The following KDM4A variants were observed in gnomAD, a reference collection of about 807,000 sequenced individuals.
KDM4A encodes lysine demethylase 4A, also known as lysine-specific demethylase 4A.
Under a neutral mutation model 127.1 loss-of-function variants are expected in KDM4A, and 23 were observed. The observed-to-expected ratio is 0.18, with a 90% CI of 0.13 to 0.26. KDM4A has a LOEUF of 0.26. KDM4A is among the 10% of genes least tolerant of loss of function. KDM4A has a pLI of 1.00. For missense variants in KDM4A, 890 were observed against 1,329.1 expected (o/e 0.67, Z 5.14); for synonymous variants, 443 against 466.5 (o/e 0.95, Z 0.65).
intron 15 of KDM4A, 23 bp downstream of exon 15, chr1:43,691,595 T>C (rs1331608549): frequency 1.3e-6 from 2 of 1,597,904 alleles, no homozygotes; most frequent in African/African-American, 1.3e-5. Flanking sequence ...ACACTGTTAC[T>C]GTCTTCACCA....
At position 43,655,637 on chromosome 1, in the gene KDM4A, T is replaced by C. The variant is rs772483262; in HGVS notation, c.185T>C (p.Ile62Thr). 8 of 1,613,036 alleles carry C rather than the reference T, an allele frequency of 5.0e-6. No homozygotes were observed. The highest frequency in any genetic ancestry group is 1.8e-4 in the Middle Eastern group (1 of 5,642). ...EWKPRASYDDIDDLVIPAPIQ... is the reference protein window; with the variant it reads ...EWKPRASYDDTDDLVIPAPIQ... ...AAGCCACGAGCATCCTATGATGACA[T>C]TGATGATTTGGTCATTCCTGCCCCC... Residue 62 changes from isoleucine to threonine, a missense_variant, in exon 3 of 22, where the codon ATT becomes ACT. Ile to Thr is a moderately conservative substitution (Grantham distance 89). This residue lies in a region of KDM4A where 29 missense variants were observed against 64.3 expected (regional missense o/e 0.45). Coordinates refer to ENST00000372396, the MANE Select transcript of KDM4A (RefSeq NM_014663.3).
rs199618537 is a variant in KDM4A, at chr1:43,666,537, T to C, written c.759T>C (p.Tyr253=). Residue 253 remains tyrosine, a synonymous_variant, in exon 7 of 22, where the codon TAT becomes TAC. Transcript: ENST00000372396. The part of the protein sequence containing the change: ...TLISPLMLKK[Y]GIPFDKVTQE... ...TTTCCCCGTTAATGCTGAAGAAATA[T>C]GGAATTCCCTTTGACAAGGTGAGCT... 1.9e-5 allele frequency: 31 copies of C among 1,613,974 alleles called. No individual in the cohort carries two copies. Among genetic ancestry groups the C allele is most frequent in the Non-Finnish European group, 2.3e-5 (27 of 1,179,942 alleles).
intron 10 of KDM4A, among the ~76,000 whole-genome samples, chr1:43,669,593 G>A (rs989360705): frequency 6.6e-6 from 1 of 152,076 alleles, no homozygotes; most frequent in African/African-American, 2.4e-5. Context: ...GAGAGAGGAG[G>A]GATGTAGAAA....
At chr1:43,666,265 A>G (rs920281292) in intron 6 of KDM4A, 187 bp from the exon 7 acceptor site, 18 of 574,306 alleles carry the variant, frequency 3.1e-5, no homozygotes, top group Non-Finnish European at 4.9e-5. Context: ...AATGCCCTAC[A>G]TGGGAGTGAG....
chr1:43,665,700 T>C lies in KDM4A; in HGVS notation c.628T>C (p.Ser210Pro). The change falls in exon 6 of 22, where the codon TCT (serine) becomes CCT (proline). Residue 210 changes from serine to proline, a missense_variant. By Grantham distance (74) the Ser-to-Pro change is moderately conservative. Transcript: ENST00000372396. ...LHFGEPKSWY[S>P]VPPEHGKRLE... ...GATGCTCTCATGTGATTGCAGGTAC[T>C]CTGTTCCACCTGAGCATGGAAAGCG... The C allele has an allele frequency of 1.2e-6, 2 of 1,614,130 alleles. No homozygotes were observed. Among genetic ancestry groups the C allele is most frequent in the Non-Finnish European group, 1.7e-6 (2 of 1,179,962 alleles).
intron 6 of KDM4A, 155 bp from the exon 7 acceptor site, chr1:43,666,297 C>G: frequency 1.6e-6 from 1 of 625,186 alleles, no homozygotes; most frequent in Non-Finnish European, 2.8e-6. Flanking sequence ...ATTGCAGAAT[C>G]TTAGAATTGG....
intron 10 of KDM4A, 61 bp downstream of exon 10, chr1:43,669,360 GC>G (rs1365286778): frequency 4.0e-6 from 6 of 1,493,318 alleles, no homozygotes; most frequent in Non-Finnish European, 5.6e-6. Flanking sequence ...CGTGTTAGAT[GC>G]CATATTGAGT....
At chr1:43,664,662 G>A (rs1169069810) in intron 5 of KDM4A, among the ~76,000 whole-genome samples, 1 of 152,108 alleles carries the variant, frequency 6.6e-6, no homozygotes, top group Non-Finnish European at 1.5e-5. Context: ...AACCTTTTGA[G>A]CCTATGATTA....
intron 4 of KDM4A, among the ~76,000 whole-genome samples, chr1:43,662,380 C>T (rs980416516): frequency 1.4e-4 from 21 of 152,138 alleles, no homozygotes; most frequent in African/African-American, 3.6e-4. Flanking sequence ...GAGGCCAAGG[C>T]GGGTGGATCA....
Position 43,704,578 on chromosome 1 carries a change from C to T in KDM4A, c.*208C>T, listed in dbSNP as rs780450837. On this transcript the variant is annotated 3_prime_UTR_variant, in exon 22 of 22. Transcript: ENST00000372396. The stretch of plus-strand genomic sequence containing the variant: ...CCATTTCTGGGCACGTGGCAGCAGT[C>T]GCTGATCTCCCAGCTGAGGGGCTGA... The T allele has an allele frequency of 2.0e-5, 11 of 563,350 alleles. No individual in the cohort carries two copies. Among genetic ancestry groups the T allele is most frequent in the Middle Eastern group, 4.7e-4 (1 of 2,126 alleles). 34.9% of individuals were successfully genotyped at this position (563,350 alleles called of 1,614,324 possible).
intron 11 of KDM4A, among the ~76,000 whole-genome samples, chr1:43,672,347 C>T (rs1408478500): frequency 1.3e-5 from 2 of 151,920 alleles, no homozygotes; most frequent in African/African-American, 2.4e-5. Flanking sequence ...TGCCACCACA[C>T]CCAGCTAATT....
rs1284111010 is a variant in KDM4A, at chr1:43,697,824, A to T, written c.2671-19A>T. 1 of 1,607,962 alleles carries T rather than the reference A, an allele frequency of 6.2e-7. No individual in the cohort carries two copies. The highest frequency in any genetic ancestry group is 1.1e-5 in the South Asian group (1 of 90,872). On this transcript the variant is annotated intron_variant, in intron 18 of 21. Coordinates refer to ENST00000372396, the MANE Select transcript of KDM4A (RefSeq NM_014663.3). ...GCAAACTCCACGTGTGAGTAACCAA[A>T]GCCTCTGTTTTTTTCCAGCGTGCCA...
chr1:43,692,343 C>G (rs1661137145), intron 16 of KDM4A, 32 bp downstream of exon 16: 1 of 1,585,262 alleles, frequency 6.3e-7, no homozygotes, highest in Non-Finnish European at 8.7e-7. Flanking sequence ...TTGGAATGCA[C>G]AGGCTCAGTT....
Position 43,691,032 on chromosome 1 carries a change from G to T in KDM4A, c.2225G>T (p.Ser742Ile). 1 of 1,614,118 alleles carries T rather than the reference G, an allele frequency of 6.2e-7. No individual in the cohort carries two copies. The highest frequency in any genetic ancestry group is 8.5e-7 in the Non-Finnish European group (1 of 1,180,032). The change falls in exon 14 of 22, where the codon AGC becomes ATC. Residue 742 changes from serine (S) to isoleucine (I), a missense_variant. This residue lies in a region of KDM4A where 246 missense variants were observed against 418.4 expected (regional missense o/e 0.59). Coordinates refer to ENST00000372396, the MANE Select transcript of KDM4A (RefSeq NM_014663.3). ...ATACTCGTTTCCTGCAAGAAGTGCA[G>T]CGTCCGGGTCCATGCCAGTGAGTGC... ...TSILVSCKKC[S>I]VRVHASCYGV...
chr1:43,684,785 G>A (rs1008196776), intron 12 of KDM4A, among the ~76,000 whole-genome samples: 6 of 152,204 alleles, frequency 3.9e-5, no homozygotes, highest in Non-Finnish European at 7.3e-5. Context: ...AGAAAAGATC[G>A]CTCCTAGTGC....
At chr1:43,660,465 T>C (rs1660346646) in intron 4 of KDM4A, 53 bp downstream of exon 4, 32 of 1,533,514 alleles carry the variant, frequency 2.1e-5, no homozygotes, top group Non-Finnish European at 2.8e-5. Flanking sequence ...TTGTAATACC[T>C]TTTTTTCGGC....
intron 9 of KDM4A, 93 bp downstream of exon 9, chr1:43,668,112 G>T (rs1660539973): frequency 6.7e-7 from 1 of 1,498,838 alleles, no homozygotes; most frequent in Non-Finnish European, 9.0e-7. Context: ...TGTTTTTTTT[G>T]TTTTGTTTTG....
chr1:43,656,875 G>A (rs1002047465), intron 3 of KDM4A, among the ~76,000 whole-genome samples: 3 of 151,366 alleles, frequency 2.0e-5, no homozygotes, highest in South Asian at 4.2e-4. Flanking sequence ...ACATACAGGC[G>A]CCTGCCACCA....
intron 3 of KDM4A, 129 bp from the exon 4 acceptor site, chr1:43,660,169 G>A (rs1660339008): frequency 9.7e-7 from 1 of 1,027,522 alleles, no homozygotes; most frequent in East Asian, 2.4e-5. Flanking sequence ...GAGCCTTGAA[G>A]GCCAAGATTA....
Sources: gnomAD v4.1 joint callset for allele counts (sites outside exome capture counted in the v4.1 genomes callset) on GRCh38, gnomAD v4.1.1 for gene constraint, gnomAD v4.1.1 regional missense constraint, MANE v1.5 for transcripts, NCBI Gene and HGNC (gene_info 2026-07-23, HGNC 2026-07-21) for gene names.